SSBP2: variants seen among roughly 807,000 people sequenced by gnomAD.
SSBP2 encodes the protein single stranded DNA binding protein 2, also known as single-stranded DNA-binding protein 2.
In SSBP2, 17 loss-of-function variants were observed where a neutral mutation model predicts 61.8. The ratio of observed to expected loss-of-function variants is 0.28; its 90% CI spans 0.19 to 0.41. The LOEUF (loss-of-function observed/expected upper bound fraction) is 0.41. SSBP2 is among the 10% of genes least tolerant of loss of function. SSBP2 has a pLI of 1.00. For missense variants in SSBP2, 310 were observed against 458.7 expected, an observed-to-expected ratio of 0.68 and a Z score of 2.96; for synonymous variants, 139 against 141.3, an observed-to-expected ratio of 0.98 and a Z score of 0.12.
At chr5:81,728,093 G>GA (rs1332452142) in intron 1 of SSBP2, among the ~76,000 whole-genome samples, 2 of 152,218 alleles carry the variant, frequency 1.3e-5, no homozygotes, top group African/African-American at 4.8e-5. Context: ...TGTGTCTGCA[G>GA]AATTAGGCAA....
intron 16 of SSBP2, among the ~76,000 whole-genome samples, chr5:81,420,819 C>A (rs1174061270): frequency 6.6e-6 from 1 of 152,182 alleles, no homozygotes; most frequent in Non-Finnish European, 1.5e-5. Context: ...TCCATCCAGA[C>A]AGATTTATGT....
At chr5:81,500,584 C>T (rs2154069062) in intron 5 of SSBP2, among the ~76,000 whole-genome samples, 1 of 152,156 alleles carries the variant, frequency 6.6e-6, no homozygotes, top group Admixed American at 6.5e-5. Context: ...CCTCAGTCTC[C>T]CGAGTAGCTG....
chr5:81,605,899 T>C (rs1201764767), intron 4 of SSBP2, among the ~76,000 whole-genome samples: 1 of 152,050 alleles, frequency 6.6e-6, no homozygotes, highest in Non-Finnish European at 1.5e-5. Flanking sequence ...CTGGTGGAAA[T>C]TGTTAAGGTT....
intron 4 of SSBP2, among the ~76,000 whole-genome samples, chr5:81,556,308 A>G (rs957410769): frequency 4.6e-5 from 7 of 152,066 alleles, no homozygotes; most frequent in Non-Finnish European, 7.4e-5. Context: ...AAAATTCTCC[A>G]TGTTTTACGG....
intron 1 of SSBP2, among the ~76,000 whole-genome samples, chr5:81,651,339 C>T (rs909260712): frequency 1.3e-5 from 2 of 152,086 alleles, no homozygotes; most frequent in Admixed American, 6.6e-5. Flanking sequence ...ATGGCATTTA[C>T]AAAAATGAGT....
intron 1 of SSBP2, among the ~76,000 whole-genome samples, chr5:81,686,675 T>C (rs900747669): frequency 6.6e-6 from 1 of 150,628 alleles, no homozygotes; most frequent in African/African-American, 2.4e-5. Flanking sequence ...GCCAGTATGG[T>C]GAAACCCCGT....
chr5:81,691,709 T>C (rs895809099), intron 1 of SSBP2, among the ~76,000 whole-genome samples: 1 of 152,154 alleles, frequency 6.6e-6, no homozygotes, highest in African/African-American at 2.4e-5. Flanking sequence ...CAAACTCGTT[T>C]TAGAAGACTG....
At chr5:81,501,423 T>C (rs994777168) in intron 5 of SSBP2, among the ~76,000 whole-genome samples, 6 of 149,844 alleles carry the variant, frequency 4.0e-5, no homozygotes, top group Admixed American at 1.3e-4. Flanking sequence ...AAAAATGACA[T>C]AGAGAAGGTA....
At chr5:81,699,863 T>TC (rs1405631186) in intron 1 of SSBP2, among the ~76,000 whole-genome samples, 1 of 150,694 alleles carries the variant, frequency 6.6e-6, no homozygotes, top group African/African-American at 2.4e-5. Flanking sequence ...TCTTTTTTTT[T>TC]TTTTTTTTTT....
intron 4 of SSBP2, among the ~76,000 whole-genome samples, chr5:81,560,234 A>C (rs1395814119): frequency 6.6e-6 from 1 of 152,200 alleles, no homozygotes; most frequent in South Asian, 2.1e-4. Context: ...TTGTGTTCAA[A>C]TTTCAAGAGT....
chr5:81,573,764 C>T (rs1368887397), intron 4 of SSBP2, among the ~76,000 whole-genome samples: 1 of 152,092 alleles, frequency 6.6e-6, no homozygotes, highest in Non-Finnish European at 1.5e-5. Context: ...TACTATACAT[C>T]TGGAAACAAA....
intron 5 of SSBP2, among the ~76,000 whole-genome samples, chr5:81,511,505 C>T (rs1329676938): frequency 1.3e-5 from 2 of 152,186 alleles, no homozygotes; most frequent in African/African-American, 4.8e-5. Context: ...CCTGCCTACC[C>T]TCCCCACTAC....
intron 4 of SSBP2, among the ~76,000 whole-genome samples, chr5:81,600,702 A>C (rs2973337): frequency 0.34 from 51,955 of 151,732 alleles, 9,789 homozygotes; most frequent in East Asian, 0.69. Flanking sequence ...TAAATGAAAA[A>C]AAGGAAGGAG....
At chr5:81,686,987 C>G (rs1447053785) in intron 1 of SSBP2, among the ~76,000 whole-genome samples, 1 of 151,746 alleles carries the variant, frequency 6.6e-6, no homozygotes, top group African/African-American at 2.4e-5. Flanking sequence ...CCAGCAAGAA[C>G]ACCGAAGTGA....
intron 1 of SSBP2, among the ~76,000 whole-genome samples, chr5:81,705,733 T>C (rs528777874): frequency 1.3e-5 from 2 of 152,348 alleles, no homozygotes; most frequent in South Asian, 4.1e-4. Flanking sequence ...ATTATTTGAC[T>C]ATGAATACTG....
intron 4 of SSBP2, among the ~76,000 whole-genome samples, chr5:81,614,875 A>T (rs374809550): frequency 3.3e-5 from 5 of 150,742 alleles, no homozygotes; most frequent in East Asian, 3.9e-4. Flanking sequence ...CAGTCCTTCT[A>T]AAAAAAAATG....
intron 4 of SSBP2, among the ~76,000 whole-genome samples, chr5:81,592,921 A>T (rs1175967252): frequency 2.0e-5 from 3 of 152,198 alleles, no homozygotes; most frequent in Non-Finnish European, 4.4e-5. Flanking sequence ...GGAAACTCTA[A>T]AAATCAGAGC....
chr5:81,710,876 T>C (rs1267669325), intron 1 of SSBP2: 5 of 244,896 alleles, frequency 2.0e-5, no homozygotes, highest in Admixed American at 5.1e-5. Flanking sequence ...AATCTGCAAA[T>C]CAAGTTTAAA....
chr5:81,437,705 CTGT>C (rs376611174), intron 14 of SSBP2: 3 of 287,606 alleles, frequency 1.0e-5, no homozygotes, highest in East Asian at 1.3e-4. Flanking sequence ...ATGAAGAAAA[CTGT>C]TGTTATCATA....
Sources: allele counts gnomAD v4.1 joint callset (sites outside exome capture counted in the v4.1 genomes callset), GRCh38; gene constraint gnomAD v4.1.1; transcripts MANE v1.5; gene names NCBI Gene and HGNC (gene_info 2026-07-23, HGNC 2026-07-21).